The following DPF3 variants were observed in gnomAD, a reference collection of about 807,000 sequenced individuals.
DPF3 encodes double PHD fingers 3, also known as zinc finger protein DPF3.
In DPF3, 18 loss-of-function variants were observed where a neutral mutation model predicts 56.8. That is an observed-to-expected ratio of 0.32 (90% CI 0.22 to 0.47). The LOEUF (loss-of-function observed/expected upper bound fraction) is 0.47, where lower values mean the gene tolerates loss of function less well. Among genes scored for constraint, DPF3 ranks in the 20% least tolerant of loss-of-function variants. The pLI is 1.00. For missense variants in DPF3, 403 were observed against 488.8 expected (o/e 0.82, Z 1.65); for synonymous variants, 188 against 180.2 (o/e 1.04, Z -0.35).
At position 72,731,655 on chromosome 14, in the gene DPF3, T is replaced by C. The variant is rs535580373; in HGVS notation, c.429+152A>G. The C allele has an allele frequency of 7.6e-6, 8 of 1,052,988 alleles. No homozygotes were observed. In the South Asian group the frequency reaches 1.0e-4, roughly 13 times the overall value. 65.2% of individuals were successfully genotyped at this position (1,052,988 alleles called of 1,614,324 possible). On this transcript the variant is annotated intron_variant, in intron 4 of 10. Transcript: ENST00000556509. ...AAGATAGGTTAAGTCAGAAAAGAAT[T>C]TGGGAGCTTCCTGGCCACCATAGAA...
chr14:72,629,320 T>A (rs1253515999), intron 9 of DPF3, among the ~76,000 whole-genome samples: 1 of 152,254 alleles, frequency 6.6e-6, no homozygotes, highest in Non-Finnish European at 1.5e-5. Context: ...CCTTTGTATA[T>A]GTTTGAAATT....
chr14:72,725,711 G>A (rs1889378416), intron 4 of DPF3, among the ~76,000 whole-genome samples: 2 of 152,088 alleles, frequency 1.3e-5, no homozygotes, highest in Non-Finnish European at 2.9e-5. Context: ...GATAACCATC[G>A]CTGTTTAAGC....
At chr14:72,715,558 G>A (rs759764407) in intron 5 of DPF3, among the ~76,000 whole-genome samples, 2 of 152,002 alleles carry the variant, frequency 1.3e-5, no homozygotes, top group Non-Finnish European at 2.9e-5. Context: ...GGCAGCCCCT[G>A]GGGCCTGGCT....
intron 1 of DPF3, among the ~76,000 whole-genome samples, chr14:72,842,124 A>G (rs1401428690): frequency 2.0e-5 from 3 of 151,572 alleles, no homozygotes; most frequent in African/African-American, 7.3e-5. Flanking sequence ...ACCTGACTAT[A>G]GAAGAATTTT....
At chr14:72,662,779 T>C in intron 8 of DPF3, 1 of 987,348 alleles carries the variant, frequency 1.0e-6, no homozygotes, top group Non-Finnish European at 1.2e-6. Context: ...TCTTTTCACC[T>C]TCTTCGGAAA....
At chr14:72,716,409 A>G (rs921482304) in intron 5 of DPF3, among the ~76,000 whole-genome samples, 1 of 152,130 alleles carries the variant, frequency 6.6e-6, no homozygotes, top group African/African-American at 2.4e-5. Context: ...AGGGTCTCTT[A>G]GAAGATCTCA....
In DPF3 at chr14:72,856,303, G is replaced by A. The variant is rs1885166636; in HGVS notation, c.32+37754C>T. 2.6e-5 allele frequency among the ~76,000 whole-genome samples: 4 copies of A among 152,214 alleles called. 1 individual carries two copies. In the South Asian group the frequency reaches 8.3e-4, roughly 32 times the overall value. On this transcript the variant is annotated intron_variant, in intron 1 of 10. Coordinates refer to ENST00000556509, the MANE Select transcript of DPF3 (RefSeq NM_001280542.3). ...CAAAATCCTTTTCTCCTCTAAAACA[G>A]GAGAACATCTTTCCTTCCTTTCTGA...
chr14:72,890,501 G>A (rs4999177), intron 1 of DPF3, among the ~76,000 whole-genome samples: 10 of 146,488 alleles, frequency 6.8e-5, no homozygotes, highest in African/African-American at 1.3e-4. Context: ...AAAAAATAAT[G>A]ATAATAATAA....
chr14:72,621,259 CT>C (rs1338386904), intron 9 of DPF3, among the ~76,000 whole-genome samples: 1 of 152,058 alleles, frequency 6.6e-6, no homozygotes, highest in African/African-American at 2.4e-5. Context: ...GGGGCAAAAT[CT>C]TGTTTTCCTC....
chr14:72,795,335 A>C (rs528520386), intron 1 of DPF3, among the ~76,000 whole-genome samples: 1 of 148,250 alleles, frequency 6.7e-6, no homozygotes, highest in African/African-American at 2.5e-5. Context: ...ATGGTGCCTA[A>C]GAGCATAGGA....
chr14:72,820,911 G>C (rs12433114), intron 1 of DPF3, among the ~76,000 whole-genome samples: 14,229 of 151,720 alleles, frequency 0.094, 828 homozygotes, highest in Admixed American at 0.18. Flanking sequence ...GCAGGCAGAT[G>C]ACTTGAGACC....
At chr14:72,778,836 T>C (rs1891854865) in intron 1 of DPF3, among the ~76,000 whole-genome samples, 1 of 152,204 alleles carries the variant, frequency 6.6e-6, no homozygotes, top group African/African-American at 2.4e-5. Context: ...ACAACAATAA[T>C]AACACTATAA....
At chr14:72,670,783 G>A in intron 8 of DPF3, 1 of 1,031,822 alleles carries the variant, frequency 9.7e-7, no homozygotes, top group Non-Finnish European at 1.2e-6. Context: ...TATGAAAATT[G>A]AGGACATCAA....
At chr14:72,692,912 G>A in intron 7 of DPF3, among the ~76,000 whole-genome samples, 164 bp downstream of exon 7, 1 of 152,188 alleles carries the variant, frequency 6.6e-6, no homozygotes, top group Admixed American at 6.5e-5. Context: ...GAGCTGCAGG[G>A]GCAGCTGGCT....
chr14:72,824,561 T>TTTTTG (rs1555510673), intron 1 of DPF3, among the ~76,000 whole-genome samples: 2 of 151,384 alleles, frequency 1.3e-5, no homozygotes, highest in African/African-American at 2.4e-5. Context: ...CTTTTTTTTT[T>TTTTTG]TTTGTTTGTT....
At chr14:72,811,465 C>T (rs1883041912) in intron 1 of DPF3, among the ~76,000 whole-genome samples, 1 of 152,150 alleles carries the variant, frequency 6.6e-6, no homozygotes, top group South Asian at 2.1e-4. Context: ...AGGAACCAAC[C>T]TTGCCAACAC....
chr14:72,821,156 C>T (rs1239112420), intron 1 of DPF3, among the ~76,000 whole-genome samples: 6 of 139,862 alleles, frequency 4.3e-5, no homozygotes, highest in Non-Finnish European at 6.4e-5. Flanking sequence ...AAAAAATTAG[C>T]GGGCGTGGTG....
intron 1 of DPF3, among the ~76,000 whole-genome samples, chr14:72,792,348 T>A (rs970394089): frequency 6.6e-6 from 1 of 152,176 alleles, no homozygotes; most frequent in Non-Finnish European, 1.5e-5. Flanking sequence ...AAAAGGCACA[T>A]TCCCTGAGAA....
intron 2 of DPF3, among the ~76,000 whole-genome samples, chr14:72,757,964 T>TA (rs763699767): frequency 5.3e-5 from 8 of 150,058 alleles, no homozygotes; most frequent in Non-Finnish European, 7.4e-5. Flanking sequence ...AGCCAAAAGC[T>TA]AAAAAAAATT....
Sources: gnomAD v4.1 joint callset for allele counts (sites outside exome capture counted in the v4.1 genomes callset) on GRCh38, gnomAD v4.1.1 for gene constraint, MANE v1.5 for transcripts, NCBI Gene and HGNC (gene_info 2026-07-23, HGNC 2026-07-21) for gene names.